Variants in DLG2 observed in about 807,000 individuals in gnomAD.
DLG2 encodes disks large homolog 2.
DLG2 carries 45 observed loss-of-function variants against 132.5 expected under a neutral mutation model. The observed-to-expected ratio is 0.34, with a 90% CI of 0.27 to 0.44. The LOEUF (loss-of-function observed/expected upper bound fraction) is 0.44, where lower values mean the gene tolerates loss of function less well. DLG2 is among the 20% of genes least tolerant of loss of function. DLG2 has a pLI of 1.00. For missense variants in DLG2, 1,045 were observed against 1,196.9 expected (o/e 0.87, Z 1.87); for synonymous variants, 424 against 419.6 (o/e 1.01, Z -0.13).
intron 18 of DLG2, chr11:83,646,471 C>T (rs751839224): frequency 9.2e-5 from 14 of 152,202 alleles, no homozygotes; most frequent in Non-Finnish European, 1.5e-4. Flanking sequence ...CTCCCCTTCA[C>T]ATCCTTCAGC....
intron 6 of DLG2, among the ~76,000 whole-genome samples, chr11:85,056,003 CTTTT>C (rs969277411): frequency 6.6e-6 from 1 of 151,994 alleles, no homozygotes; most frequent in African/African-American, 2.4e-5. Context: ...TTCTTTTCCT[CTTTT>C]TTTAAGTAAA....
intron 6 of DLG2, among the ~76,000 whole-genome samples, chr11:85,070,599 G>A (rs79564356): frequency 0.019 from 2,957 of 151,798 alleles, 51 homozygotes; most frequent in Admixed American, 0.041. Flanking sequence ...AGAAGTATAA[G>A]CACTAAACCA....
intron 21 of DLG2, among the ~76,000 whole-genome samples, chr11:83,529,353 T>C (rs752380824): frequency 6.0e-4 from 92 of 152,302 alleles, no homozygotes; most frequent in Non-Finnish European, 1.1e-3. Flanking sequence ...GTGCATTTTA[T>C]CTCTTGCTAA....
At chr11:84,480,617 G>A (rs2099134474) in intron 7 of DLG2, among the ~76,000 whole-genome samples, 1 of 152,108 alleles carries the variant, frequency 6.6e-6, no homozygotes, top group Non-Finnish European at 1.5e-5. Context: ...CCTGGGTTTT[G>A]GAGTCAGAAT....
At chr11:85,154,074 T>C (rs1789018136) in intron 5 of DLG2, among the ~76,000 whole-genome samples, 1 of 145,050 alleles carries the variant, frequency 6.9e-6, no homozygotes, top group Non-Finnish European at 1.5e-5. Flanking sequence ...AGTACAAAAA[T>C]GTGTTTTCTA....
intron 7 of DLG2, among the ~76,000 whole-genome samples, chr11:84,521,133 T>C (rs1489874523): frequency 2.0e-5 from 3 of 152,224 alleles, no homozygotes; most frequent in Non-Finnish European, 4.4e-5. Flanking sequence ...ACTGAATCAA[T>C]CTGATGCACA....
chr11:83,636,473 C>T (rs1485306667), intron 18 of DLG2, among the ~76,000 whole-genome samples: 1 of 152,102 alleles, frequency 6.6e-6, no homozygotes, highest in African/African-American at 2.4e-5. Context: ...GAAAGATGAA[C>T]ATGCATCTCC....
chr11:84,087,160 T>C (rs1213827243), intron 10 of DLG2, among the ~76,000 whole-genome samples: 2 of 152,162 alleles, frequency 1.3e-5, no homozygotes, highest in East Asian at 3.9e-4. Context: ...TCAGTTCTCT[T>C]GGGTATATGC....
chr11:85,211,173 C>T (rs1443564435), intron 4 of DLG2, among the ~76,000 whole-genome samples: 1 of 151,962 alleles, frequency 6.6e-6, no homozygotes, highest in Non-Finnish European at 1.5e-5. Context: ...CTTTGGTAGA[C>T]AAATATTACT....
At chr11:85,351,073 C>A (rs574352243) in intron 3 of DLG2, among the ~76,000 whole-genome samples, 1 of 152,270 alleles carries the variant, frequency 6.6e-6, no homozygotes, top group South Asian at 2.1e-4. Flanking sequence ...TTTGTGTCCT[C>A]TTTTATTTCG....
intron 6 of DLG2, among the ~76,000 whole-genome samples, chr11:84,854,300 GAA>G (rs1234288534): frequency 6.6e-6 from 1 of 150,974 alleles, no homozygotes; most frequent in Non-Finnish European, 1.5e-5. Context: ...TGTGACCATG[GAA>G]AAGTTTTTCT....
At position 85,202,635 on chromosome 11, in the gene DLG2, A is replaced by T. The variant is rs2081554392; in HGVS notation, c.187-47984T>A. ...CATGGAACATTCTCCACAATAGATC[A>T]TATGTTAAGCCACGAAACAAGTCTC... is the stretch of plus-strand genomic sequence containing the variant. On this transcript the variant is annotated intron_variant, in intron 4 of 27. Transcript: ENST00000376104. Among the ~76,000 whole-genome samples, 2 of 152,194 alleles carry T rather than the reference A, an allele frequency of 1.3e-5. 1 individual carries two copies. Among genetic ancestry groups the T allele is most frequent in the African/African-American group, 4.8e-5 (2 of 41,460 alleles).
At chr11:84,811,980 C>T (rs2076607062) in intron 6 of DLG2, among the ~76,000 whole-genome samples, 1 of 152,004 alleles carries the variant, frequency 6.6e-6, no homozygotes, top group Non-Finnish European at 1.5e-5. Flanking sequence ...TGGAATGCTC[C>T]CAGAGAACAT....
intron 9 of DLG2, among the ~76,000 whole-genome samples, chr11:84,149,805 C>T (rs2095233771): frequency 1.3e-5 from 2 of 151,976 alleles, no homozygotes; most frequent in Admixed American, 6.6e-5. Context: ...CATTGCATCT[C>T]GTGATGCAAT....
chr11:85,307,512 A>G (rs2152803448), intron 3 of DLG2, among the ~76,000 whole-genome samples: 1 of 152,326 alleles, frequency 6.6e-6, no homozygotes, highest in East Asian at 1.9e-4. Context: ...TTTTTAGCAG[A>G]CGTTGGCTAG....
intron 6 of DLG2, among the ~76,000 whole-genome samples, chr11:85,009,015 T>C (rs1286604333): frequency 6.6e-6 from 1 of 151,802 alleles, no homozygotes; most frequent in African/African-American, 2.4e-5. Flanking sequence ...AAAGAAAAGA[T>C]GACAAATACA....
chr11:83,520,693 AG>A (rs1320550153), intron 21 of DLG2, among the ~76,000 whole-genome samples: 35 of 136,134 alleles, frequency 2.6e-4, no homozygotes, highest in African/African-American at 7.9e-4. Flanking sequence ...GTAAGTAGGT[AG>A]GTAGATAGAT....
At chr11:85,397,731 T>C (rs1011164306) in intron 3 of DLG2, among the ~76,000 whole-genome samples, 3 of 152,154 alleles carry the variant, frequency 2.0e-5, no homozygotes, top group Non-Finnish European at 4.4e-5. Context: ...GGAGTTAACA[T>C]CTTAAATATA....
chr11:84,712,645 T>C (rs1188312236), intron 6 of DLG2, among the ~76,000 whole-genome samples: 3 of 152,044 alleles, frequency 2.0e-5, no homozygotes, highest in East Asian at 3.9e-4. Context: ...CTCAGCAATA[T>C]GTAAAGTAGT....
Sources: allele counts gnomAD v4.1 joint callset (sites outside exome capture counted in the v4.1 genomes callset), GRCh38; gene constraint gnomAD v4.1.1; transcripts MANE v1.5; gene names NCBI Gene and HGNC (gene_info 2026-07-23, HGNC 2026-07-21).